The following USO1 variants were observed in gnomAD, a reference collection of about 807,000 sequenced individuals.
USO1 encodes the protein USO1 vesicle transport factor.
Under a neutral mutation model 124.5 loss-of-function variants are expected in USO1, and 57 were observed. The observed-to-expected ratio is 0.46, with a 90% CI of 0.37 to 0.57. The LOEUF is 0.57. USO1 is among the 20% of genes least tolerant of loss of function. USO1 has a pLI of 0.00. For synonymous variants in USO1, 369 were observed against 362.8 expected (o/e 1.02, Z -0.19); for missense variants, 900 against 1,040.6 (o/e 0.86, Z 1.86).
chr4:75,757,548 A>C lies in USO1; in HGVS notation c.270A>C (p.Ile90=), dbSNP rs1721482608. The C allele has an allele frequency of 6.7e-7, 1 of 1,493,752 alleles. No homozygotes were observed. Among genetic ancestry groups the C allele is most frequent in the Non-Finnish European group, 8.9e-7 (1 of 1,121,346 alleles). 92.5% of individuals were successfully genotyped at this position (1,493,752 alleles called of 1,614,324 possible). A position where few individuals can be genotyped will look rare whatever the true frequency, so the allele number is the denominator to read the frequency against. Residue 90 remains isoleucine, a synonymous_variant, in exon 4 of 24, where the codon ATA becomes ATC. Coordinates refer to ENST00000514213, the MANE Select transcript of USO1 (RefSeq NM_003715.4). ...CTTTGGACACACTATATAATATAAT[A>C]TCTAATGAAGAAGAAGAAGAAGTAG... ...GYALDTLYNI[I]SNEEEEEVEE...
chr4:75,805,342 G>C, intron 19 of USO1, 39 bp downstream of exon 19: 1 of 1,497,138 alleles, frequency 6.7e-7, no homozygotes, highest in Non-Finnish European at 8.9e-7. Context: ...AAGAGTTCAA[G>C]AGTGGTTCTC....
chr4:75,766,256 A>T (rs1721767125), intron 4 of USO1, among the ~76,000 whole-genome samples: 1 of 152,200 alleles, frequency 6.6e-6, no homozygotes, highest in South Asian at 2.1e-4. Context: ...CTTGGTGATA[A>T]TACTTATTAA....
At position 75,740,032 on chromosome 4, in the gene USO1, A is replaced by G. The variant is rs1454537855; in HGVS notation, c.67-12341A>G. ...GATCAATATTAATGGTCAAGGATGT[A>G]TATTAAATAAGATGTCTTTGGCCAC... On this transcript the variant is annotated intron_variant, in intron 1 of 23. Transcript: ENST00000514213. 2.6e-5 allele frequency among the ~76,000 whole-genome samples: 4 copies of G among 152,310 alleles called. No individual in the cohort carries two copies. The South Asian group carries it at 6.2e-4, about 24-fold the overall frequency.
At chr4:75,732,596 T>C (rs1412604531) in intron 1 of USO1, among the ~76,000 whole-genome samples, 1 of 152,172 alleles carries the variant, frequency 6.6e-6, no homozygotes, top group Non-Finnish European at 1.5e-5. Context: ...ATAGTCATAG[T>C]TACTGGACGC....
intron 1 of USO1, among the ~76,000 whole-genome samples, chr4:75,747,337 C>T (rs1472011405): frequency 1.3e-5 from 2 of 152,134 alleles, no homozygotes; most frequent in Non-Finnish European, 2.9e-5. Flanking sequence ...AGTACAGTGA[C>T]GCATCCACAG....
chr4:75,733,948 T>C (rs1450510005), intron 1 of USO1, among the ~76,000 whole-genome samples: 1 of 144,182 alleles, frequency 6.9e-6, no homozygotes, highest in Non-Finnish European at 1.5e-5. Flanking sequence ...TTTTTTTTTT[T>C]TTTTTTTTTT....
intron 1 of USO1, among the ~76,000 whole-genome samples, chr4:75,738,909 A>G (rs912150692): frequency 1.3e-4 from 20 of 151,632 alleles, no homozygotes; most frequent in Admixed American, 5.3e-4. Context: ...CTGGAGTGCA[A>G]TGGTGCAAAC....
intron 4 of USO1, chr4:75,760,562 TTTTA>T (rs1458979450): frequency 2.7e-4 from 109 of 397,196 alleles, no homozygotes; most frequent in Middle Eastern, 6.3e-4. Flanking sequence ...ATCATCCACT[TTTTA>T]TTTATTTATT....
intron 23 of USO1, 45 bp downstream of exon 23, chr4:75,812,420 TATAATGC>T: frequency 6.6e-7 from 1 of 1,517,260 alleles, no homozygotes; most frequent in Non-Finnish European, 8.8e-7. Flanking sequence ...TATGTTTTAG[TATAATGC>T]ATTTAAAAGA....
At chr4:75,791,525 A>G (rs2149182241) in intron 12 of USO1, among the ~76,000 whole-genome samples, 1 of 152,336 alleles carries the variant, frequency 6.6e-6, no homozygotes, top group African/African-American at 2.4e-5. Context: ...CTGTGCCTCA[A>G]AAATAAAAAT....
intron 1 of USO1, 95 bp downstream of exon 1, chr4:75,724,980 C>T (rs1720359167): frequency 1.4e-6 from 2 of 1,398,200 alleles, no homozygotes; most frequent in African/African-American, 1.4e-5. Flanking sequence ...CAGCGTCCCA[C>T]CATGGAGGGG....
chr4:75,724,617 G>A lies in USO1; in HGVS notation c.-203G>A. On this transcript the variant is annotated 5_prime_UTR_variant, in exon 1 of 24. Transcript: ENST00000514213. ...CCTTCGAGCCGCCACGTAATGCCAC[G>A]TCCCCGCGCATGCGCATCTTGGCCG... is the stretch of plus-strand genomic sequence containing the variant. 1.7e-6 allele frequency: 1 copy of A among 576,062 alleles called. No individual in the cohort carries two copies. The highest frequency in any genetic ancestry group is 2.1e-5 in the South Asian group (1 of 48,298). The allele number at this position is 576,062 out of a possible 1,614,324, so 35.7% of individuals were successfully genotyped here. A position where few individuals can be genotyped will look rare whatever the true frequency, so the allele number is the denominator to read the frequency against.
intron 13 of USO1, chr4:75,795,399 C>T (rs759440852): frequency 2.9e-6 from 2 of 699,620 alleles, no homozygotes; most frequent in South Asian, 1.5e-5. Flanking sequence ...CCTCTTATAG[C>T]AAAGCTTTTT....
intron 13 of USO1, among the ~76,000 whole-genome samples, chr4:75,797,076 A>T (rs2149186502): frequency 6.6e-6 from 1 of 152,132 alleles, no homozygotes; most frequent in Admixed American, 6.5e-5. Context: ...TTGGAAGCTG[A>T]GGTGGGGGCA....
intron 4 of USO1, among the ~76,000 whole-genome samples, chr4:75,759,343 C>G (rs1203806558): frequency 6.7e-6 from 1 of 148,502 alleles, no homozygotes; most frequent in African/African-American, 2.5e-5. Context: ...CCTGTAATCC[C>G]AGCACTTTGG....
intron 4 of USO1, 152 bp from the exon 5 acceptor site, chr4:75,770,287 T>C (rs2149167186): frequency 1.8e-6 from 1 of 554,344 alleles, no homozygotes; most frequent in East Asian, 3.3e-5. Flanking sequence ...GATATAGCTT[T>C]ACATAATAAT....
rs1314791004 is a variant in USO1 at position 75,774,883 on chromosome 4, G to A, written c.676+87G>A. Reference sequence around the variant, plus strand: ...AGGGAATACAGTTGGAGGGAGAAATGGGGACTCTTATTTATACTCTTTGTT... The same window carrying A: ...AGGGAATACAGTTGGAGGGAGAAATAGGGACTCTTATTTATACTCTTTGTT... On this transcript the variant is annotated intron_variant, in intron 8 of 23. Coordinates refer to ENST00000514213, the MANE Select transcript of USO1 (RefSeq NM_003715.4). 5.3e-5 allele frequency: 78 copies of A among 1,460,838 alleles called. No individual in the cohort carries two copies. The South Asian group carries it at 6.3e-4, about 12-fold the overall frequency. 90.5% of individuals were successfully genotyped at this position (1,460,838 alleles called of 1,614,324 possible).
chr4:75,803,553 C>T (rs1577973191), intron 17 of USO1, among the ~76,000 whole-genome samples: 1 of 150,700 alleles, frequency 6.6e-6, no homozygotes, highest in Non-Finnish European at 1.5e-5. Context: ...AGGAGGCTGA[C>T]GCAGGAGAAT....
chr4:75,782,349 C>T (rs1560452146), intron 8 of USO1, among the ~76,000 whole-genome samples: 1 of 152,186 alleles, frequency 6.6e-6, no homozygotes, highest in African/African-American at 2.4e-5. Flanking sequence ...GAGAAGGCTA[C>T]TGTAAGAGCA....
Sources: gnomAD v4.1 joint callset for allele counts (sites outside exome capture counted in the v4.1 genomes callset) on GRCh38, gnomAD v4.1.1 for gene constraint, MANE v1.5 for transcripts, NCBI Gene and HGNC (gene_info 2026-07-23, HGNC 2026-07-21) for gene names.